The following GCSAML variants were observed in gnomAD, a reference collection of about 807,000 sequenced individuals.
GCSAML encodes the protein germinal center-associated signaling and motility-like protein.
A neutral mutation model predicts 13.0 loss-of-function variants in GCSAML; 9 were observed. The observed-to-expected ratio is 0.69, with a 90% CI of 0.42 to 1.21. GCSAML has a LOEUF of 1.21. Among genes scored for constraint, GCSAML ranks in the 50% most tolerant of loss-of-function variants. The pLI, the probability that GCSAML is intolerant of heterozygous loss-of-function variation, is 0.00. For synonymous variants in GCSAML, 37 were observed against 52.9 expected (o/e 0.70, Z 1.31); for missense variants, 143 against 153.4 (o/e 0.93, Z 0.36).
intron 1 of GCSAML, among the ~76,000 whole-genome samples, chr1:247,553,382 CT>C (rs1401124612): frequency 6.6e-6 from 1 of 151,704 alleles, no homozygotes; most frequent in Non-Finnish European, 1.5e-5. Context: ...TTTTTCTATT[CT>C]TTTTTTGTTC....
At chr1:247,529,882 C>A (rs1481555540) in intron 2 of GCSAML, 1 of 152,078 alleles carries the variant, frequency 6.6e-6, no homozygotes, top group Non-Finnish European at 1.5e-5. Flanking sequence ...ATTTTGCCTC[C>A]AGACTTTGAA....
intron 1 of GCSAML, among the ~76,000 whole-genome samples, chr1:247,552,747 C>G (rs1312012104): frequency 6.6e-6 from 1 of 152,140 alleles, no homozygotes; most frequent in Non-Finnish European, 1.5e-5. Context: ...TATGTTTATG[C>G]AGATGTACTA....
intron 2 of GCSAML, chr1:247,529,178 A>T (rs1666804760): frequency 6.6e-6 from 1 of 152,226 alleles, no homozygotes. Context: ...ATAGGGACAG[A>T]ATAATATTGT....
intron 4 of GCSAML, among the ~76,000 whole-genome samples, chr1:247,572,442 C>G (rs1668651616): frequency 6.6e-6 from 1 of 152,062 alleles, no homozygotes; most frequent in Non-Finnish European, 1.5e-5. Flanking sequence ...GTTAGTTTTC[C>G]TTCTAACAAC....
chr1:247,517,661 A>G (rs981437067), intron 1 of GCSAML, among the ~76,000 whole-genome samples: 1 of 152,158 alleles, frequency 6.6e-6, no homozygotes, highest in South Asian at 2.1e-4. Context: ...CTGAGAAAAA[A>G]GTTTTAGCTT....
upstream of GCSAML, among the ~76,000 whole-genome samples, chr1:247,546,948 AAAAG>A (rs202199639): frequency 0.042 from 5,135 of 123,538 alleles, 306 homozygotes; most frequent in African/African-American, 0.18. Context: ...AAAAAAAAAA[AAAAG>A]ATTAGCCTAG....
chr1:247,571,232 A>G (rs978103794), intron 4 of GCSAML, among the ~76,000 whole-genome samples: 4 of 152,120 alleles, frequency 2.6e-5, no homozygotes, highest in Non-Finnish European at 5.9e-5. Context: ...TGTGAATTTG[A>G]TCCTGTCCTT....
rs564114322 is a variant in GCSAML at position 247,520,273 on chromosome 1, A to G, written c.-262-6667A>G. Reference sequence around the variant, plus strand: ...AAAGTATTTTTTTCAGATGACATTAACATTTAGATTGGTAGACTTTGAGTA... The same window carrying G: ...AAAGTATTTTTTTCAGATGACATTAGCATTTAGATTGGTAGACTTTGAGTA... On this transcript the variant is annotated intron_variant, in intron 1 of 5. Coordinates refer to the GCSAML transcript ENST00000366489. Among the ~76,000 whole-genome samples, 25 of 152,306 alleles carry G rather than the reference A, an allele frequency of 1.6e-4. 1 individual carries two copies. In the Middle Eastern group the frequency reaches 0.01, roughly 62 times the overall value.
chr1:247,520,024 G>A (rs548077261), intron 1 of GCSAML, among the ~76,000 whole-genome samples: 4 of 152,164 alleles, frequency 2.6e-5, no homozygotes, highest in Non-Finnish European at 5.9e-5. Context: ...CATTTCTGAA[G>A]TAGGAATATT....
chr1:247,566,344 G>A (rs1668365301), intron 4 of GCSAML, among the ~76,000 whole-genome samples: 2 of 152,120 alleles, frequency 1.3e-5, no homozygotes, highest in Admixed American at 6.5e-5. Flanking sequence ...CTGGGTTCAA[G>A]TGATTCTGGT....
At chr1:247,566,453 G>C (rs1307188447) in intron 4 of GCSAML, among the ~76,000 whole-genome samples, 1 of 152,110 alleles carries the variant, frequency 6.6e-6, no homozygotes, top group Non-Finnish European at 1.5e-5. Context: ...TGTTGGCCAG[G>C]CTAGTCTCGA....
At chr1:247,531,482 C>A in intron 2 of GCSAML, 1 of 1,506,814 alleles carries the variant, frequency 6.6e-7, no homozygotes, top group Non-Finnish European at 9.0e-7. Flanking sequence ...ATCCCAAGTG[C>A]CCTGTCTTCC....
At chr1:247,528,882 A>G (rs1666792155) in intron 2 of GCSAML, 1 of 152,218 alleles carries the variant, frequency 6.6e-6, no homozygotes, top group African/African-American at 2.4e-5. Flanking sequence ...ATAAATGCCC[A>G]TGAGAGGGCA....
chr1:247,522,153 C>T, intron 1 of GCSAML, among the ~76,000 whole-genome samples: 1 of 151,916 alleles, frequency 6.6e-6, no homozygotes, highest in African/African-American at 2.4e-5. Flanking sequence ...GCAGCCGCCC[C>T]ATCTGGAAAG....
chr1:247,551,270 C>T (rs1352827190), intron 1 of GCSAML, among the ~76,000 whole-genome samples: 2 of 152,194 alleles, frequency 1.3e-5, no homozygotes, highest in Non-Finnish European at 2.9e-5. Flanking sequence ...GTTAGGCAGA[C>T]TTACAAAGCA....
At chr1:247,522,037 G>A (rs1321207116) in intron 1 of GCSAML, among the ~76,000 whole-genome samples, 14 of 151,374 alleles carry the variant, frequency 9.2e-5, no homozygotes, top group African/African-American at 2.4e-4. Flanking sequence ...CCGCAACCCC[G>A]TCTGGAAGGT....
chr1:247,515,224 G>C (rs1421178763), intron 1 of GCSAML, among the ~76,000 whole-genome samples: 1 of 152,206 alleles, frequency 6.6e-6, no homozygotes, highest in Non-Finnish European at 1.5e-5. Context: ...AAGGCAGCCA[G>C]ATAATGAGTT....
At chr1:247,565,445 C>T (rs905223338) in intron 3 of GCSAML, among the ~76,000 whole-genome samples, 2 of 151,920 alleles carry the variant, frequency 1.3e-5, no homozygotes, top group African/African-American at 4.8e-5. Flanking sequence ...CATGAATCTG[C>T]ATATTTGTGT....
At chr1:247,549,056 C>T, upstream of GCSAML, 1 of 1,595,510 alleles carries the variant, frequency 6.3e-7, no homozygotes, top group African/African-American at 1.3e-5. Context: ...CCCCTGGCAG[C>T]TCGTGGTTGG....
Sources: allele counts gnomAD v4.1 joint callset (sites outside exome capture counted in the v4.1 genomes callset), GRCh38; gene constraint gnomAD v4.1.1; transcripts MANE v1.5; gene names NCBI Gene and HGNC (gene_info 2026-07-23, HGNC 2026-07-21).